The following TATDN1 variants were observed in gnomAD, a reference collection of about 807,000 sequenced individuals.
TATDN1 encodes TatD DNase domain containing 1.
Under a neutral mutation model 46.4 loss-of-function variants are expected in TATDN1, and 40 were observed. The observed-to-expected ratio is 0.86, with a 90% CI of 0.67 to 1.12. TATDN1 has a LOEUF of 1.12. TATDN1 is among the 50% of genes most tolerant of loss of function. The probability of loss-of-function intolerance (pLI) is 0.00; values close to 1 mark genes in which losing one functional copy is unlikely to be tolerated. For missense variants in TATDN1, 326 were observed against 348.4 expected (o/e 0.94, Z 0.51); for synonymous variants, 95 against 105.6 (o/e 0.90, Z 0.62).
intron 9 of TATDN1, among the ~76,000 whole-genome samples, chr8:124,499,002 C>A (rs1463354166): frequency 6.7e-6 from 1 of 150,274 alleles, no homozygotes; most frequent in Non-Finnish European, 1.5e-5. Flanking sequence ...ATTATGTTGC[C>A]CAGACTGGTT....
Position 124,531,215 on chromosome 8 carries a change from A to T in TATDN1, c.22+7810T>A, listed in dbSNP as rs182615556. Among the ~76,000 whole-genome samples, 30 of 149,524 alleles carry T rather than the reference A, an allele frequency of 2.0e-4. No homozygotes were observed. The East Asian group carries it at 5.8e-3, about 29-fold the overall frequency. On this transcript the variant is annotated intron_variant, in intron 1 of 11. Transcript: ENST00000276692. ...CTAAAGTTCCCTCCTGTCATTTGGC[A>T]GGAGAAAATATTTCCTGGTCTAAGT...
chr8:124,526,266 A>C (rs372378468), intron 1 of TATDN1, among the ~76,000 whole-genome samples: 3 of 152,242 alleles, frequency 2.0e-5, no homozygotes, highest in African/African-American at 7.2e-5. Context: ...CCTGGGCTGC[A>C]GTCCTCAACT....
At chr8:124,492,910 C>T (rs1454348717) in intron 11 of TATDN1, among the ~76,000 whole-genome samples, 2 of 152,184 alleles carry the variant, frequency 1.3e-5, no homozygotes, top group Admixed American at 6.5e-5. Flanking sequence ...CTCAAGCAGT[C>T]TTCCCAAGTA....
intron 1 of TATDN1, among the ~76,000 whole-genome samples, chr8:124,530,125 C>T (rs1820836308): frequency 6.6e-6 from 1 of 151,172 alleles, no homozygotes; most frequent in South Asian, 2.1e-4. Context: ...AGAACAACAA[C>T]AACAAAGAAG....
chr8:124,504,208 G>A (rs1818210197), intron 9 of TATDN1, 63 bp downstream of exon 9: 3 of 1,233,778 alleles, frequency 2.4e-6, no homozygotes, highest in Non-Finnish European at 2.3e-6. Flanking sequence ...GCAATTCACT[G>A]TAAGACAATT....
At chr8:124,528,609 G>T (rs1343545516) in intron 1 of TATDN1, among the ~76,000 whole-genome samples, 2 of 152,170 alleles carry the variant, frequency 1.3e-5, no homozygotes, top group Non-Finnish European at 2.9e-5. Flanking sequence ...AGAGACTTTT[G>T]TTGAGCTACA....
chr8:124,536,245 G>C (rs984790141), intron 1 of TATDN1, among the ~76,000 whole-genome samples: 7 of 152,164 alleles, frequency 4.6e-5, no homozygotes, highest in African/African-American at 1.4e-4. Context: ...AGAAAAGAGA[G>C]TATAAGCTGG....
In TATDN1 at chr8:124,488,589, A is replaced by G. The variant is rs1175631407; in HGVS notation, c.*5T>C. The G allele has an allele frequency of 2.9e-6, 4 of 1,396,360 alleles. No individual in the cohort carries two copies. Among genetic ancestry groups the G allele is most frequent in the South Asian group, 1.2e-5 (1 of 81,050 alleles). The allele number at this position is 1,396,360 out of a possible 1,614,324, so 86.5% of individuals were successfully genotyped here. A position where few individuals can be genotyped will look rare whatever the true frequency, so the allele number is the denominator to read the frequency against. On this transcript the variant is annotated 3_prime_UTR_variant, in exon 12 of 12. Coordinates refer to ENST00000276692, the MANE Select transcript of TATDN1 (RefSeq NM_032026.4). ...ACATGATGGAAAGTGGAAGACATAT[A>G]CCAATTATATTCCAGGAAAAAATAC...
intron 3 of TATDN1, among the ~76,000 whole-genome samples, chr8:124,519,380 G>A (rs752710616): frequency 2.0e-5 from 3 of 152,048 alleles, no homozygotes; most frequent in East Asian, 1.9e-4. Flanking sequence ...GAAGCTACAC[G>A]ATGTTTGACA....
rs142333912 is a variant in TATDN1 at position 124,529,814 on chromosome 8, G to A, written c.23-6812C>T. Among the ~76,000 whole-genome samples the A allele has an allele frequency of 7.9e-5, 12 of 151,826 alleles. 1 individual carries two copies. The East Asian group carries it at 1.2e-3, about 15-fold the overall frequency. On this transcript the variant is annotated intron_variant, in intron 1 of 11. Transcript: ENST00000276692. ...GGTCAAGAAGGTCCCATGGTAGGCCGGGTGCAGTGGCTCATGTCTGTAATC... is the reference window on the plus strand; with the variant it reads ...GGTCAAGAAGGTCCCATGGTAGGCCAGGTGCAGTGGCTCATGTCTGTAATC...
rs111954219 is a variant in TATDN1 at position 124,506,357 on chromosome 8, G to C, written c.517-2010C>G. 1.6e-4 allele frequency among the ~76,000 whole-genome samples: 20 copies of C among 121,554 alleles called. No individual in the cohort carries two copies. The East Asian group carries it at 4.6e-3, about 28-fold the overall frequency. 79.7% of individuals were successfully genotyped at this position (121,554 alleles called of 152,430 possible). A position where few individuals can be genotyped will look rare whatever the true frequency, so the allele number is the denominator to read the frequency against. On this transcript the variant is annotated intron_variant, in intron 8 of 11. Coordinates refer to ENST00000276692, the MANE Select transcript of TATDN1 (RefSeq NM_032026.4). Reference sequence around the variant, plus strand: ...CTCAAAAAAAAAAAAAAAAAAAAAAGAAAAAGAAAAAAAGAAAAGAAATAA... The same window carrying C: ...CTCAAAAAAAAAAAAAAAAAAAAAACAAAAAGAAAAAAAGAAAAGAAATAA...
At chr8:124,534,369 C>T (rs1178987097) in intron 1 of TATDN1, among the ~76,000 whole-genome samples, 2 of 152,164 alleles carry the variant, frequency 1.3e-5, no homozygotes, top group Non-Finnish European at 2.9e-5. Context: ...AACATAGCCA[C>T]ACCTATTTAC....
rs371096098 is a variant in TATDN1 at position 124,493,813 on chromosome 8, C to G, written c.791+20G>C. On this transcript the variant is annotated intron_variant, in intron 11 of 11. Coordinates refer to ENST00000276692, the MANE Select transcript of TATDN1 (RefSeq NM_032026.4). The stretch of plus-strand genomic sequence containing the variant: ...GTGGTTAACTAATGATTTTGAAGAC[C>G]ATGAAAGCAAAATACTCACATTATA... 4 of 1,581,810 alleles carry G rather than the reference C, an allele frequency of 2.5e-6. No individual in the cohort carries two copies. The African/African-American group carries it at 5.5e-5, about 22-fold the overall frequency.
rs186882135 is a variant in TATDN1 at position 124,538,803 on chromosome 8, C to T, written c.22+222G>A. On this transcript the variant is annotated intron_variant, in intron 1 of 11. Transcript: ENST00000276692. Reference sequence around the variant, plus strand: ...CAGCACAAAAATCATAACTGTACGGCTTGTTAATTTTTACAAATAAATACA... The same window carrying T: ...CAGCACAAAAATCATAACTGTACGGTTTGTTAATTTTTACAAATAAATACA... 1.0e-4 allele frequency: 63 copies of T among 606,928 alleles called. 1 individual carries two copies. The highest frequency in any genetic ancestry group is 4.3e-4 in the Middle Eastern group (1 of 2,334). 37.6% of individuals were successfully genotyped at this position (606,928 alleles called of 1,614,324 possible).
chr8:124,501,996 T>C (rs1253639690), intron 9 of TATDN1, among the ~76,000 whole-genome samples: 4 of 152,172 alleles, frequency 2.6e-5, no homozygotes, highest in Admixed American at 2.6e-4. Flanking sequence ...AAATTCTCAA[T>C]GAAAATGATT....
At chr8:124,517,441 A>G (rs1463130293) in intron 4 of TATDN1, among the ~76,000 whole-genome samples, 1 of 151,950 alleles carries the variant, frequency 6.6e-6, no homozygotes, top group African/African-American at 2.4e-5. Context: ...AAAAAAAAAA[A>G]AGAAAAAGTG....
At chr8:124,506,921 G>A (rs1818490753) in intron 8 of TATDN1, among the ~76,000 whole-genome samples, 1 of 152,166 alleles carries the variant, frequency 6.6e-6, no homozygotes, top group Admixed American at 6.5e-5. Flanking sequence ...CTAGCACTTT[G>A]GGAGGCTGAT....
intron 9 of TATDN1, among the ~76,000 whole-genome samples, 175 bp from the exon 10 acceptor site, chr8:124,495,717 CTA>C (rs1817409030): frequency 6.6e-6 from 1 of 152,192 alleles, no homozygotes; most frequent in Non-Finnish European, 1.5e-5. Context: ...AGATTAACAT[CTA>C]TTTTAACCCA....
chr8:124,517,310 C>T (rs1819563615), intron 4 of TATDN1, among the ~76,000 whole-genome samples: 2 of 152,000 alleles, frequency 1.3e-5, no homozygotes, highest in African/African-American at 4.8e-5. Flanking sequence ...CGCCTGTAAT[C>T]CCAGCTACTC....
Sources: allele counts gnomAD v4.1 joint callset (sites outside exome capture counted in the v4.1 genomes callset), GRCh38; gene constraint gnomAD v4.1.1; transcripts MANE v1.5; gene names NCBI Gene and HGNC (gene_info 2026-07-23, HGNC 2026-07-21).